The following SRPK2 variants were observed in gnomAD, a reference collection of about 807,000 sequenced individuals.
SRPK2 encodes SFRS protein kinase 2.
A neutral mutation model predicts 90.8 loss-of-function variants in SRPK2; 21 were observed. The ratio of observed to expected loss-of-function variants is 0.23; its 90% CI spans 0.16 to 0.33. The LOEUF (loss-of-function observed/expected upper bound fraction) is 0.33. SRPK2 is among the 10% of genes least tolerant of loss of function. The probability of loss-of-function intolerance (pLI) is 1.00; values close to 1 mark genes in which losing one functional copy is unlikely to be tolerated. For synonymous variants in SRPK2, 288 were observed against 311.1 expected (o/e 0.93, Z 0.78); for missense variants, 620 against 869.0 (o/e 0.71, Z 3.60).
At chr7:105,169,345 T>G in intron 3 of SRPK2, 80 bp from the exon 4 acceptor site, 1 of 1,085,552 alleles carries the variant, frequency 9.2e-7, no homozygotes, top group Non-Finnish European at 1.4e-6. Context: ...TTGTCATTCT[T>G]GATGTCATTA....
chr7:105,157,732 C>T (rs1563002928), intron 7 of SRPK2, among the ~76,000 whole-genome samples: 1 of 152,064 alleles, frequency 6.6e-6, no homozygotes, highest in African/African-American at 2.4e-5. Flanking sequence ...AATATAAGAG[C>T]TCTTTCTAAG....
rs991749381 is a variant in SRPK2 at position 105,394,645 on chromosome 7, C to T, written n.153+4511G>A. Among the ~76,000 whole-genome samples, 4 of 152,154 alleles carry T rather than the reference C, an allele frequency of 2.6e-5. No individual in the cohort carries two copies. The East Asian group carries it at 5.8e-4, about 22-fold the overall frequency. On this transcript the variant is annotated intron_variant and non_coding_transcript_variant, in intron 1 of 3. Coordinates refer to the SRPK2 transcript ENST00000462282. ...AATTCTTAACAGTTGGGAGATACAT[C>T]GCCAATCTGTTTGTTGGATTTTTGC...
intron 2 of SRPK2, among the ~76,000 whole-genome samples, chr7:105,230,141 T>C (rs78785751): frequency 0.02 from 3,105 of 152,292 alleles, 50 homozygotes; most frequent in Middle Eastern, 0.041. Context: ...AAAGCAAGAA[T>C]GCCTGAGGAT....
At chr7:105,149,553 G>T (rs1199130253) in intron 7 of SRPK2, among the ~76,000 whole-genome samples, 1 of 152,148 alleles carries the variant, frequency 6.6e-6, no homozygotes, top group Non-Finnish European at 1.5e-5. Flanking sequence ...CCAGTCCCCT[G>T]GGCCCACTGT....
intron 2 of SRPK2, among the ~76,000 whole-genome samples, chr7:105,295,040 G>A (rs1585584241): frequency 2.0e-5 from 3 of 151,834 alleles, no homozygotes; most frequent in South Asian, 4.2e-4. Context: ...GCGAAACCCT[G>A]TCTCTACTAA....
chr7:105,292,802 C>T (rs1809234663), intron 2 of SRPK2, among the ~76,000 whole-genome samples: 1 of 152,150 alleles, frequency 6.6e-6, no homozygotes, highest in African/African-American at 2.4e-5. Flanking sequence ...TAAAGTTTTC[C>T]TTAAACCATC....
At chr7:105,121,325 A>G (rs1438517378) in intron 15 of SRPK2, among the ~76,000 whole-genome samples, 1 of 152,002 alleles carries the variant, frequency 6.6e-6, no homozygotes, top group Non-Finnish European at 1.5e-5. Context: ...AGCCTAGGCA[A>G]CAGAGTGAGA....
intron 2 of SRPK2, among the ~76,000 whole-genome samples, chr7:105,283,594 T>C (rs991390905): frequency 6.6e-6 from 1 of 152,012 alleles, no homozygotes; most frequent in African/African-American, 2.4e-5. Flanking sequence ...AGTAGATTAG[T>C]GATTGCGGGT....
At chr7:105,135,765 AT>A (rs56208863) in intron 11 of SRPK2, among the ~76,000 whole-genome samples, 2,873 of 141,506 alleles carry the variant, frequency 0.02, 42 homozygotes, top group African/African-American at 0.053. Context: ...AATGCAGGGA[AT>A]TTTTTTTTTT....
intron 2 of SRPK2, among the ~76,000 whole-genome samples, chr7:105,364,468 T>C (rs1818803866): frequency 6.7e-6 from 1 of 150,266 alleles, no homozygotes; most frequent in Non-Finnish European, 1.5e-5. Flanking sequence ...TGCCATGATC[T>C]TGGCTCACTG....
In SRPK2 at chr7:105,116,390, C is replaced by T. The variant is rs1487426834; in HGVS notation, c.*1448G>A. 1.3e-5 allele frequency: 2 copies of T among 151,618 alleles called. No individual in the cohort carries two copies. Among genetic ancestry groups the T allele is most frequent in the Non-Finnish European group, 3.0e-5 (2 of 67,754 alleles). The allele number at this position is 151,618 out of a possible 1,614,324, so 9.4% of individuals were successfully genotyped here. ...AAGGCAATGTCTGGAAAAAAAAAAACCAAAACACTTTAATTTTTAAGACAA... is the reference window on the plus strand; with the variant it reads ...AAGGCAATGTCTGGAAAAAAAAAAATCAAAACACTTTAATTTTTAAGACAA... On this transcript the variant is annotated 3_prime_UTR_variant, in exon 16 of 16. Transcript: ENST00000393651.
chr7:105,375,509 C>T (rs1820179992), intron 2 of SRPK2, among the ~76,000 whole-genome samples: 1 of 152,106 alleles, frequency 6.6e-6, no homozygotes, highest in Non-Finnish European at 1.5e-5. Context: ...AAGCAATACC[C>T]ATCTCTATTT....
chr7:105,258,578 C>CA (rs949779089), intron 2 of SRPK2, among the ~76,000 whole-genome samples: 15 of 152,056 alleles, frequency 9.9e-5, no homozygotes, highest in African/African-American at 2.9e-4. Flanking sequence ...AGAGACACAA[C>CA]AAAAAAAGAG....
At chr7:105,330,534 G>C (rs942552727) in intron 2 of SRPK2, among the ~76,000 whole-genome samples, 1 of 152,036 alleles carries the variant, frequency 6.6e-6, no homozygotes, top group African/African-American at 2.4e-5. Flanking sequence ...CCTTAATACT[G>C]ACATGACTCT....
At chr7:105,370,748 T>G (rs1819603776) in intron 2 of SRPK2, among the ~76,000 whole-genome samples, 1 of 151,558 alleles carries the variant, frequency 6.6e-6, no homozygotes, top group Admixed American at 6.6e-5. Context: ...CCCAAGTAGC[T>G]GGGACTATAG....
At position 105,142,315 on chromosome 7, in the gene SRPK2, T is replaced by G; in HGVS notation, c.1236A>C (p.Glu412Asp). The change falls in exon 11 of 16, where the codon GAA becomes GAC. Residue 412 changes from glutamate (E) to aspartate (D), a missense_variant. Physicochemically the swap from Glu to Asp is conservative, Grantham distance 45 (BLOSUM62 2). Transcript: ENST00000393651. ...TTGGGCAGTCTTCTTCATCATCATC[T>G]TCATCGTCCAGTTGCTGCTCCAGTG... is the stretch of plus-strand genomic sequence containing the variant. ...PFSLEQQLDD[E>D]DDDEEDCPNP... 1 of 1,614,208 alleles carries G rather than the reference T, an allele frequency of 6.2e-7. No individual in the cohort carries two copies. Among genetic ancestry groups the G allele is most frequent in the Non-Finnish European group, 8.5e-7 (1 of 1,180,030 alleles).
chr7:105,208,173 T>C (rs1796433285), intron 2 of SRPK2, among the ~76,000 whole-genome samples: 2 of 152,128 alleles, frequency 1.3e-5, no homozygotes, highest in African/African-American at 4.8e-5. Flanking sequence ...GAAATAAGGA[T>C]CTTCAAACAT....
chr7:105,210,792 G>A (rs768133586), intron 2 of SRPK2, among the ~76,000 whole-genome samples: 8 of 152,192 alleles, frequency 5.3e-5, no homozygotes, highest in Non-Finnish European at 7.3e-5. Flanking sequence ...AAGTGGAAGC[G>A]GAGCGGCGGG....
At chr7:105,139,795 ATTTC>A (rs1257633150) in intron 11 of SRPK2, among the ~76,000 whole-genome samples, 1 of 152,022 alleles carries the variant, frequency 6.6e-6, no homozygotes, top group East Asian at 1.9e-4. Flanking sequence ...AGAGGTAGCC[ATTTC>A]TTTCTTTTGA....
Sources: allele counts gnomAD v4.1 joint callset (sites outside exome capture counted in the v4.1 genomes callset), GRCh38; gene constraint gnomAD v4.1.1; transcripts MANE v1.5; gene names NCBI Gene and HGNC (gene_info 2026-07-23, HGNC 2026-07-21).